The following EPHB1 variants were observed in gnomAD, a reference collection of about 807,000 sequenced individuals.
The protein encoded by EPHB1 is EPH receptor B1, also known as ephrin type-B receptor 1.
Under a neutral mutation model 94.4 loss-of-function variants are expected in EPHB1, and 30 were observed. The ratio of observed to expected loss-of-function variants is 0.32; its 90% confidence interval spans 0.24 to 0.43. The LOEUF (loss-of-function observed/expected upper bound fraction) is 0.43, where lower values mean the gene tolerates loss of function less well. Among genes scored for constraint, EPHB1 ranks in the 20% least tolerant of loss-of-function variants. The pLI, the probability that EPHB1 is intolerant of heterozygous loss-of-function variation, is 1.00. For missense variants in EPHB1, 1,055 were observed against 1,308.3 expected (o/e 0.81, Z 2.99); for synonymous variants, 522 against 489.1 (o/e 1.07, Z -0.89).
chr3:135,238,654 A>C (rs1222075769), intron 12 of EPHB1, among the ~76,000 whole-genome samples: 1 of 152,144 alleles, frequency 6.6e-6, no homozygotes, highest in Admixed American at 6.5e-5. Flanking sequence ...TCAGAGACCT[A>C]CACTGCCAAG....
intron 3 of EPHB1, among the ~76,000 whole-genome samples, chr3:135,052,785 C>T (rs1390615787): frequency 3.8e-5 from 5 of 132,590 alleles, no homozygotes; most frequent in East Asian, 2.6e-4. Flanking sequence ...GGCGTGAACC[C>T]GGGAGGCGGA....
intron 3 of EPHB1, among the ~76,000 whole-genome samples, chr3:134,991,643 G>C (rs1483313219): frequency 6.6e-6 from 1 of 152,108 alleles, no homozygotes; most frequent in African/African-American, 2.4e-5. Flanking sequence ...CCTTGCCCCA[G>C]TGCAAACACT....
chr3:135,061,497 G>A (rs1357603144), intron 3 of EPHB1, among the ~76,000 whole-genome samples: 1 of 151,732 alleles, frequency 6.6e-6, no homozygotes, highest in Non-Finnish European at 1.5e-5. Flanking sequence ...ACTTCGCGTA[G>A]AATAATAGTC....
At chr3:135,214,774 C>T (rs4309752) in intron 12 of EPHB1, among the ~76,000 whole-genome samples, 46,074 of 152,050 alleles carry the variant, frequency 0.3, 7,128 homozygotes, top group Non-Finnish European at 0.33. Flanking sequence ...TCACAAAATT[C>T]GGCCTTCATT....
chr3:134,872,660 A>G (rs1300675614), intron 1 of EPHB1, among the ~76,000 whole-genome samples: 2 of 152,340 alleles, frequency 1.3e-5, no homozygotes, highest in East Asian at 1.9e-4. Context: ...ACTCAATTAC[A>G]TGAGTGATCA....
At chr3:135,002,237 A>C (rs1935210799) in intron 3 of EPHB1, among the ~76,000 whole-genome samples, 1 of 152,162 alleles carries the variant, frequency 6.6e-6, no homozygotes, top group Non-Finnish European at 1.5e-5. Context: ...GAGGTGATTG[A>C]ATTATGGGGG....
intron 12 of EPHB1, among the ~76,000 whole-genome samples, chr3:135,204,999 A>T (rs1165545786): frequency 7.4e-6 from 1 of 134,434 alleles, no homozygotes; most frequent in African/African-American, 2.8e-5. Flanking sequence ...CCATGAGTTC[A>T]ATTGTTTTAA....
chr3:134,947,071 C>A (rs1268132746), intron 2 of EPHB1, among the ~76,000 whole-genome samples: 2 of 152,152 alleles, frequency 1.3e-5, no homozygotes, highest in South Asian at 2.1e-4. Context: ...ATTTTAGTAA[C>A]CATTTTCTAA....
intron 1 of EPHB1, among the ~76,000 whole-genome samples, chr3:134,805,917 T>C (rs548180008): frequency 8.1e-4 from 123 of 152,256 alleles, no homozygotes; most frequent in African/African-American, 2.8e-3. Flanking sequence ...AGTTGTGTGT[T>C]TATTTTGCTG....
chr3:135,143,588 A>G (rs1479857273), intron 5 of EPHB1, among the ~76,000 whole-genome samples: 1 of 152,050 alleles, frequency 6.6e-6, no homozygotes, highest in East Asian at 1.9e-4. Flanking sequence ...GTTCATGATC[A>G]ATCATTAAAC....
rs146065917 is a variant in EPHB1 at position 135,007,376 on chromosome 3, C to A, written c.805+55324C>A. Reference sequence around the variant, plus strand: ...CCTAATCTTAGACTTTCTGAAGAACCAGACACTCTTCTGTTAGTAGTTCTT... The same window carrying A: ...CCTAATCTTAGACTTTCTGAAGAACAAGACACTCTTCTGTTAGTAGTTCTT... On this transcript the variant is annotated intron_variant, in intron 3 of 15. Transcript: ENST00000398015. 4.0e-3 allele frequency among the ~76,000 whole-genome samples: 616 copies of A among 152,166 alleles called. 2 individuals are homozygous for A. The highest frequency in any genetic ancestry group is 6.8e-3 in the Non-Finnish European group (465 of 68,008).
intron 10 of EPHB1, among the ~76,000 whole-genome samples, chr3:135,184,284 G>C (rs537309837): frequency 1.3e-5 from 2 of 152,264 alleles, no homozygotes; most frequent in East Asian, 3.9e-4. Flanking sequence ...GAAGACCCAC[G>C]GAGGGAAAGT....
intron 3 of EPHB1, among the ~76,000 whole-genome samples, chr3:134,969,436 C>T (rs1933887231): frequency 6.6e-6 from 1 of 152,162 alleles, no homozygotes; most frequent in Admixed American, 6.5e-5. Flanking sequence ...GAGGCTGCCT[C>T]TTCTCTTAGA....
chr3:134,932,103 A>G (rs1394891824), intron 2 of EPHB1, among the ~76,000 whole-genome samples: 2 of 152,102 alleles, frequency 1.3e-5, no homozygotes, highest in Admixed American at 6.6e-5. Flanking sequence ...AAGCAGTTCT[A>G]GAGTTCTGGA....
rs61369813 is a variant in EPHB1 at position 134,959,966 on chromosome 3, C to CTT, written c.805+7955_805+7956dup. On this transcript the variant is annotated intron_variant, in intron 3 of 15. Transcript: ENST00000398015. ...AGAATTTGAGCACAAACATCTGCAC[C>CTT]TTTTTTTTTTTTTTTTTTTTTTTTT... Among the ~76,000 whole-genome samples the CTT allele has an allele frequency of 2.4e-3, 258 of 107,376 alleles. 18 individuals carry two copies. The highest frequency in any genetic ancestry group is 5.4e-3 in the East Asian group (13 of 2,420). 70.4% of individuals were successfully genotyped at this position (107,376 alleles called of 152,430 possible).
chr3:134,904,310 G>A (rs1329755339), intron 1 of EPHB1, among the ~76,000 whole-genome samples: 2 of 152,250 alleles, frequency 1.3e-5, no homozygotes, highest in Non-Finnish European at 2.9e-5. Context: ...TGAGTACAGT[G>A]AAACCAGTTT....
chr3:134,949,147 G>A (rs1196047937), intron 2 of EPHB1, among the ~76,000 whole-genome samples: 1 of 152,174 alleles, frequency 6.6e-6, no homozygotes, highest in Non-Finnish European at 1.5e-5. Context: ...GACTATCCAG[G>A]ATAGTGAATC....
intron 1 of EPHB1, among the ~76,000 whole-genome samples, chr3:134,838,355 G>A (rs1487792962): frequency 6.6e-6 from 1 of 152,176 alleles, no homozygotes; most frequent in African/African-American, 2.4e-5. Flanking sequence ...AAAGTCTCAT[G>A]GTGTATTAGA....
At chr3:134,957,182 T>C (rs1230009453) in intron 3 of EPHB1, among the ~76,000 whole-genome samples, 1 of 151,866 alleles carries the variant, frequency 6.6e-6, no homozygotes, top group Non-Finnish European at 1.5e-5. Flanking sequence ...CTCAGAAAGG[T>C]TTTACAAAGT....
Sources: gnomAD v4.1 joint callset for allele counts (sites outside exome capture counted in the v4.1 genomes callset) on GRCh38, gnomAD v4.1.1 for gene constraint, MANE v1.5 for transcripts, NCBI Gene and HGNC (gene_info 2026-07-23, HGNC 2026-07-21) for gene names.